Variants in GALNT13 observed in about 807,000 individuals in gnomAD.
The protein encoded by GALNT13 is polypeptide N-acetylgalactosaminyltransferase 13.
A neutral mutation model predicts 64.2 loss-of-function variants in GALNT13; 28 were observed. The observed-to-expected ratio is 0.44, with a 90% CI of 0.32 to 0.60. The LOEUF is 0.60. GALNT13 is among the 20% of genes least tolerant of loss of function. The pLI, the probability that GALNT13 is intolerant of heterozygous loss-of-function variation, is 0.05. For missense variants in GALNT13, 577 were observed against 669.8 expected, an observed-to-expected ratio of 0.86 and a Z score of 1.53; for synonymous variants, 214 against 224.6, an observed-to-expected ratio of 0.95 and a Z score of 0.42.
At chr2:153,329,991 A>G in the GALNT13 span, among the ~76,000 whole-genome samples, 6 of 152,258 alleles carry the variant, frequency 3.9e-5, no homozygotes, top group Non-Finnish European at 8.8e-5. Flanking sequence ...ATTCTTCTGC[A>G]TATGGCTAGC....
chr2:153,868,945 A>C (rs1685807065), upstream of GALNT13, among the ~76,000 whole-genome samples: 1 of 152,216 alleles, frequency 6.6e-6, no homozygotes, highest in African/African-American at 2.4e-5. Context: ...TATTATTCTT[A>C]TGAGGTAAAT....
At chr2:154,024,931 G>C (rs1455462568) in intron 3 of GALNT13, among the ~76,000 whole-genome samples, 1 of 152,160 alleles carries the variant, frequency 6.6e-6, no homozygotes, top group Non-Finnish European at 1.5e-5. Context: ...CTCAGCTGCA[G>C]GTCTGTTGGA....
At chr2:153,323,966 A>G in the GALNT13 span, among the ~76,000 whole-genome samples, 3 of 152,128 alleles carry the variant, frequency 2.0e-5, no homozygotes, top group African/African-American at 7.2e-5. Context: ...TGTCTTGGCT[A>G]TACAGTCTCT....
the GALNT13 span, among the ~76,000 whole-genome samples, chr2:153,523,247 C>T: frequency 1.6e-4 from 24 of 152,084 alleles, no homozygotes; most frequent in African/African-American, 5.5e-4. Context: ...ATCTTAAAGT[C>T]AGGCAATATC....
chr2:153,594,666 T>C, the GALNT13 span, among the ~76,000 whole-genome samples: 1 of 152,170 alleles, frequency 6.6e-6, no homozygotes, highest in Admixed American at 6.5e-5. Context: ...AAGTATATGA[T>C]GAAGGTAAAT....
chr2:154,356,281 G>A (rs182109322), intron 9 of GALNT13, among the ~76,000 whole-genome samples: 1 of 151,926 alleles, frequency 6.6e-6, no homozygotes, highest in East Asian at 1.9e-4. Context: ...TGTGTCTCTG[G>A]TGGATTATTC....
intron 3 of GALNT13, among the ~76,000 whole-genome samples, chr2:154,035,636 C>T (rs944144283): frequency 6.6e-6 from 1 of 152,024 alleles, no homozygotes; most frequent in Non-Finnish European, 1.5e-5. Flanking sequence ...GAAATATTTT[C>T]ATCACTTTGT....
chr2:153,254,892 T>A, the GALNT13 span, among the ~76,000 whole-genome samples: 54 of 152,320 alleles, frequency 3.5e-4, no homozygotes, highest in Middle Eastern at 0.017. Context: ...CTTCCAAGTA[T>A]GCGGTCAATT....
At chr2:153,263,463 A>G in the GALNT13 span, among the ~76,000 whole-genome samples, 1 of 152,124 alleles carries the variant, frequency 6.6e-6, no homozygotes, top group South Asian at 2.1e-4. Context: ...AATGCATATG[A>G]AACCAAAAAA....
intron 8 of GALNT13, among the ~76,000 whole-genome samples, chr2:154,262,930 T>C (rs1474001007): frequency 6.6e-6 from 1 of 152,108 alleles, no homozygotes; most frequent in East Asian, 1.9e-4. Context: ...CCTCTATCTT[T>C]AAATAATAAC....
chr2:153,421,928 C>A, the GALNT13 span: 1 of 183,424 alleles, frequency 5.5e-6, no homozygotes, highest in Non-Finnish European at 1.2e-5. Flanking sequence ...ACATCAGCCT[C>A]GCCAAGGTGG....
chr2:153,759,568 G>A, the GALNT13 span, among the ~76,000 whole-genome samples: 1 of 151,922 alleles, frequency 6.6e-6, no homozygotes, highest in East Asian at 1.9e-4. Context: ...TTGATCATAT[G>A]GTTTTTGCCC....
the GALNT13 span, among the ~76,000 whole-genome samples, chr2:153,327,909 GT>G: frequency 6.6e-6 from 1 of 151,992 alleles, no homozygotes; most frequent in African/African-American, 2.4e-5. Context: ...TTTTTGCACT[GT>G]TTTTTTCTCA....
chr2:153,857,975 T>C, the GALNT13 span, among the ~76,000 whole-genome samples: 2 of 152,184 alleles, frequency 1.3e-5, no homozygotes, highest in Non-Finnish European at 2.9e-5. Flanking sequence ...TCTATTATGT[T>C]AATTTAAAAC....
intron 4 of GALNT13, among the ~76,000 whole-genome samples, chr2:154,153,922 G>A (rs1317869614): frequency 6.6e-6 from 1 of 152,214 alleles, no homozygotes; most frequent in South Asian, 2.1e-4. Context: ...GGCTCACGCA[G>A]GATGCGCTGC....
the GALNT13 span, among the ~76,000 whole-genome samples, chr2:153,494,001 TA>T: frequency 6.6e-6 from 1 of 151,854 alleles, no homozygotes; most frequent in South Asian, 2.1e-4. Context: ...GGTCAGAGGA[TA>T]GGGGGCTCAT....
intron 3 of GALNT13, among the ~76,000 whole-genome samples, chr2:154,049,796 T>C (rs1699484800): frequency 1.3e-5 from 2 of 151,940 alleles, no homozygotes; most frequent in South Asian, 4.1e-4. Context: ...GATTATGTAG[T>C]CTCTAAGAAA....
the GALNT13 span, among the ~76,000 whole-genome samples, chr2:153,545,801 C>A: frequency 6.6e-6 from 1 of 152,178 alleles, no homozygotes; most frequent in African/African-American, 2.4e-5. Flanking sequence ...CTCTTACCCA[C>A]CCCCAATCCA....
chr2:154,010,053 A>G (rs1456126546), intron 3 of GALNT13, among the ~76,000 whole-genome samples: 1 of 152,136 alleles, frequency 6.6e-6, no homozygotes, highest in African/African-American at 2.4e-5. Flanking sequence ...CAAATTTAGG[A>G]GCTATTGAGC....
Sources: allele counts gnomAD v4.1 joint callset (sites outside exome capture counted in the v4.1 genomes callset), GRCh38; gene constraint gnomAD v4.1.1; transcripts MANE v1.5; gene names NCBI Gene and HGNC (gene_info 2026-07-23, HGNC 2026-07-21).